Variants in CLN3 observed in about 807,000 individuals in gnomAD.
CLN3 encodes CLN3 lysosomal/endosomal transmembrane protein, battenin.
In CLN3, 49 loss-of-function variants were observed where a neutral mutation model predicts 60.7. The ratio of observed to expected loss-of-function variants is 0.81; its 90% CI spans 0.64 to 1.02. The LOEUF is 1.02. Ranked by LOEUF, CLN3 falls within the 50% of genes least tolerant of loss-of-function variation. The pLI is 0.00. For missense variants in CLN3, 516 were observed against 557.4 expected (o/e 0.93, Z 0.75); for synonymous variants, 256 against 245.8 (o/e 1.04, Z -0.39).
the CLN3 span, among the ~76,000 whole-genome samples, chr16:28,467,560 T>TTTTTTG: frequency 7.2e-6 from 1 of 138,334 alleles, no homozygotes; most frequent in African/African-American, 2.7e-5. Flanking sequence ...CCAGCCATTT[T>TTTTTTG]TTTTTGTTTT....
intron 10 of CLN3, among the ~76,000 whole-genome samples, chr16:28,483,082 C>A (rs964184763): frequency 1.3e-5 from 2 of 151,486 alleles, no homozygotes; most frequent in Admixed American, 1.3e-4. Flanking sequence ...CCAGCCTGGG[C>A]AACAAGAGCG....
At chr16:28,486,729 C>T in intron 7 of CLN3, 79 bp from the exon 8 acceptor site, 1 of 1,358,242 alleles carries the variant, frequency 7.4e-7, no homozygotes, top group South Asian at 1.2e-5. Flanking sequence ...CTGGCCATGG[C>T]CTCCTCAGTA....
intron 3 of CLN3, among the ~76,000 whole-genome samples, chr16:28,490,653 C>T (rs1009179499): frequency 1.2e-4 from 17 of 140,602 alleles, no homozygotes; most frequent in Admixed American, 2.3e-4. Context: ...TCAGCTACTC[C>T]GGAGGCTGAG....
chr16:28,481,454 G>GCACACACACACACACGCACA (rs2046093093), intron 14 of CLN3, among the ~76,000 whole-genome samples: 4 of 129,120 alleles, frequency 3.1e-5, no homozygotes, highest in African/African-American at 1.2e-4. Context: ...ACACACACAC[G>GCACACACACACACACGCACA]CACACACACA....
intron 5 of CLN3, chr16:28,488,048 A>G (rs1020009497): frequency 3.8e-5 from 12 of 315,368 alleles, no homozygotes; most frequent in Admixed American, 8.5e-5. Context: ...AACTATATAT[A>G]TATATATTTT....
rs1380954530 is a variant in CLN3, at chr16:28,477,356, C to T, written c.*160G>A. The T allele has an allele frequency of 8.8e-6, 8 of 909,162 alleles. No individual in the cohort carries two copies. The highest frequency in any genetic ancestry group is 3.3e-4 in the Middle Eastern group (1 of 3,040). The allele number at this position is 909,162 out of a possible 1,614,324, so 56.3% of individuals were successfully genotyped here. On this transcript the variant is annotated 3_prime_UTR_variant, in exon 16 of 16. Coordinates refer to ENST00000636147, the MANE Select transcript of CLN3 (RefSeq NM_001042432.2). ...CCCCAAGTGGGAGACAATGGCTGGC[C>T]CCCCTGCAAGGGAAACAAGGCTTCA...
chr16:28,478,737 G>A (rs1212175067), intron 14 of CLN3, among the ~76,000 whole-genome samples: 3 of 151,810 alleles, frequency 2.0e-5, no homozygotes, highest in East Asian at 3.9e-4. Context: ...TCTGCATGGT[G>A]AGGGCTGTCC....
chr16:28,486,723 C>A, intron 7 of CLN3, 73 bp from the exon 8 acceptor site: 1 of 1,393,750 alleles, frequency 7.2e-7, no homozygotes, highest in Non-Finnish European at 9.9e-7. Context: ...ATGTGTCTGG[C>A]CATGGCCTCC....
intron 14 of CLN3, among the ~76,000 whole-genome samples, chr16:28,481,776 G>A (rs2046099548): frequency 6.6e-6 from 1 of 152,034 alleles, no homozygotes; most frequent in Non-Finnish European, 1.5e-5. Flanking sequence ...CAGATCACCT[G>A]AGGTCAAGAG....
chr16:28,491,376 T>C, intron 3 of CLN3, 106 bp downstream of exon 3: 1 of 1,460,984 alleles, frequency 6.8e-7, no homozygotes, highest in Non-Finnish European at 9.3e-7. Context: ...AGTAAATATT[T>C]GTGGGTTCAG....
chr16:28,481,418 A>G (rs1053587758), intron 14 of CLN3, among the ~76,000 whole-genome samples: 11 of 60,192 alleles, frequency 1.8e-4, no homozygotes, highest in African/African-American at 6.1e-4. Context: ...AATGCTTAAA[A>G]CACACACACA....
In CLN3 at chr16:28,477,582, T is replaced by C. The variant is rs2046015181; in HGVS notation, c.1251A>G (p.Thr417=). 1 of 1,613,694 alleles carries C rather than the reference T, an allele frequency of 6.2e-7. No individual in the cohort carries two copies. The highest frequency in any genetic ancestry group is 2.2e-5 in the East Asian group (1 of 44,850). Residue 417 remains threonine (T), a synonymous_variant, in exon 16 of 16, where the codon ACA becomes ACG. Coordinates refer to ENST00000636147, the MANE Select transcript of CLN3 (RefSeq NM_001042432.2). ...FAMAATCISD[T]LGISLSGLLA... Reference sequence around the variant, plus strand: ...GGAGCCCCGACAGGGAGATCCCCAGTGTGTCAGAGATGCAGGTGGCCGCCA... The same window carrying C: ...GGAGCCCCGACAGGGAGATCCCCAGCGTGTCAGAGATGCAGGTGGCCGCCA...
intron 3 of CLN3, among the ~76,000 whole-genome samples, chr16:28,490,033 G>T (rs1046405284): frequency 1.3e-5 from 2 of 150,530 alleles, no homozygotes; most frequent in Non-Finnish European, 3.0e-5. Flanking sequence ...CTCCAGCCTG[G>T]GCTACAAGAG....
intron 14 of CLN3, 116 bp from the exon 15 acceptor site, chr16:28,477,993 G>C (rs2046025767): frequency 7.3e-6 from 9 of 1,225,974 alleles, no homozygotes; most frequent in Middle Eastern, 4.3e-4. Context: ...AGGGCTGCCA[G>C]GTCTAGATAA....
At chr16:28,478,385 G>A (rs1027868713) in intron 14 of CLN3, among the ~76,000 whole-genome samples, 4 of 151,666 alleles carry the variant, frequency 2.6e-5, no homozygotes, top group Admixed American at 2.0e-4. Flanking sequence ...GGAGACCAAG[G>A]TGGGATGATC....
chr16:28,480,757 T>TTGTAACAGTTACCTGCAC (rs2046076131), intron 14 of CLN3, among the ~76,000 whole-genome samples: 1 of 152,190 alleles, frequency 6.6e-6, no homozygotes, highest in Admixed American at 6.5e-5. Context: ...GTTGACAGTT[T>TTGTAACAGTTACCTGCAC]ATTGTAACAG....
downstream of CLN3, chr16:28,477,168 AGG>A (rs574625182): frequency 1.2e-5 from 4 of 338,728 alleles, no homozygotes; most frequent in South Asian, 8.0e-5. Context: ...CAAACAAAAA[AGG>A]GAGAAATCTG....
chr16:28,482,414 G>A lies in CLN3; in HGVS notation c.907-32C>T, dbSNP rs200328092. On this transcript the variant is annotated intron_variant, in intron 12 of 15. Transcript: ENST00000636147. ...CAAATACCAGACAGGGGAGATGGAC[G>A]GGGCTGTGTGGGTCCCAGCCCCAAT... 197 of 1,613,682 alleles carry A rather than the reference G, an allele frequency of 1.2e-4. 1 individual carries two copies. In the East Asian group the frequency reaches 1.7e-3, roughly 14 times the overall value.
chr16:28,476,577 C>T (rs1033326267), downstream of CLN3: 5 of 151,906 alleles, frequency 3.3e-5, no homozygotes, highest in African/African-American at 1.2e-4. Context: ...AAATAAAATG[C>T]CTCAGGTGCC....
Sources: gnomAD v4.1 joint callset for allele counts (sites outside exome capture counted in the v4.1 genomes callset) on GRCh38, gnomAD v4.1.1 for gene constraint, MANE v1.5 for transcripts, NCBI Gene and HGNC (gene_info 2026-07-23, HGNC 2026-07-21) for gene names.